AFAP1: variants seen among roughly 807,000 people sequenced by gnomAD.
The protein encoded by AFAP1 is actin filament-associated protein 1.
A neutral mutation model predicts 93.9 loss-of-function variants in AFAP1; 75 were observed. The ratio of observed to expected loss-of-function variants is 0.80; its 90% CI spans 0.66 to 0.97. AFAP1 has a LOEUF of 0.97. Among genes scored for constraint, AFAP1 ranks in the 50% least tolerant of loss-of-function variants. AFAP1 has a pLI of 0.00. For synonymous variants in AFAP1, 517 were observed against 430.7 expected (o/e 1.20, Z -2.48); for missense variants, 1,201 against 1,050.8 (o/e 1.14, Z -1.98).
At chr4:7,867,377 A>G (rs941125675) in intron 3 of AFAP1, among the ~76,000 whole-genome samples, 11 of 152,196 alleles carry the variant, frequency 7.2e-5, no homozygotes, top group African/African-American at 2.7e-4. Context: ...TCCCCAAATC[A>G]TATGAGGAGC....
intron 10 of AFAP1, among the ~76,000 whole-genome samples, chr4:7,794,410 A>G (rs989036743): frequency 6.6e-6 from 1 of 152,218 alleles, no homozygotes; most frequent in African/African-American, 2.4e-5. Flanking sequence ...GGGCTGCTTT[A>G]GGCACACCAT....
At chr4:7,894,861 C>T (rs573468290) in intron 1 of AFAP1, among the ~76,000 whole-genome samples, 28 of 152,226 alleles carry the variant, frequency 1.8e-4, no homozygotes, top group Non-Finnish European at 2.9e-5. Flanking sequence ...GCTCCAACCA[C>T]GAGGGGAAGG....
intron 4 of AFAP1, among the ~76,000 whole-genome samples, chr4:7,853,983 C>T (rs868736111): frequency 6.6e-6 from 1 of 152,216 alleles, no homozygotes; most frequent in Non-Finnish European, 1.5e-5. Flanking sequence ...CTACGTGCAG[C>T]TCCTCAGAAT....
intron 6 of AFAP1, 24 bp from the exon 7 acceptor site, chr4:7,819,195 T>C (rs779350794): frequency 3.8e-6 from 6 of 1,587,122 alleles, no homozygotes; most frequent in Admixed American, 1.8e-5. Context: ...AGACACTTTG[T>C]GAGTATGCCC....
chr4:7,778,404 G>A, intron 14 of AFAP1: 1 of 358,544 alleles, frequency 2.8e-6, no homozygotes, highest in Non-Finnish European at 5.2e-6. Context: ...TGAGTTTAGA[G>A]TCTGCAAGGC....
intron 1 of AFAP1, among the ~76,000 whole-genome samples, chr4:7,882,582 T>C (rs1219827188): frequency 6.6e-6 from 1 of 151,966 alleles, no homozygotes; most frequent in Non-Finnish European, 1.5e-5. Flanking sequence ...AAATGCAGGG[T>C]GGGTGCGGTG....
Position 7,761,300 on chromosome 4 carries a change from C to T in AFAP1, c.*2465G>A, listed in dbSNP as rs1413111695. 1.3e-5 allele frequency: 2 copies of T among 152,258 alleles called. No homozygotes were observed. Among genetic ancestry groups the T allele is most frequent in the African/African-American group, 4.8e-5 (2 of 41,466 alleles). The allele number at this position is 152,258 out of a possible 1,614,324, so 9.4% of individuals were successfully genotyped here. A position where few individuals can be genotyped will look rare whatever the true frequency, so the allele number is the denominator to read the frequency against. ...TCCAGGGCACCCATTTTGAAAGGCT[C>T]CATGGACCACGATGGGGTTTGTTAA... On this transcript the variant is annotated 3_prime_UTR_variant, in exon 18 of 18. Coordinates refer to ENST00000420658, the MANE Select transcript of AFAP1 (RefSeq NM_001134647.2).
At chr4:7,837,325 G>A (rs944421056) in intron 6 of AFAP1, among the ~76,000 whole-genome samples, 1 of 152,152 alleles carries the variant, frequency 6.6e-6, no homozygotes, top group Non-Finnish European at 1.5e-5. Flanking sequence ...GAACCTCTGG[G>A]AGGTGACTAG....
Position 7,918,359 on chromosome 4 carries a change from A to G in AFAP1, c.-3+21297T>C, listed in dbSNP as rs368596670. Among the ~76,000 whole-genome samples, 271 of 94,826 alleles carry G rather than the reference A, an allele frequency of 2.9e-3. 1 individual carries two copies. The highest frequency in any genetic ancestry group is 0.02 in the Middle Eastern group (2 of 102). 62.2% of individuals were successfully genotyped at this position (94,826 alleles called of 152,430 possible). ...AACAGGGCTGCCGGAAGAGACACTCAGCCCAGGTCACCAGGAAACAGGGCT... is the reference window on the plus strand; with the variant it reads ...AACAGGGCTGCCGGAAGAGACACTCGGCCCAGGTCACCAGGAAACAGGGCT... On this transcript the variant is annotated intron_variant, in intron 1 of 17. Transcript: ENST00000420658.
intron 3 of AFAP1, among the ~76,000 whole-genome samples, chr4:7,863,847 A>C (rs1300646559): frequency 1.3e-5 from 2 of 152,224 alleles, no homozygotes; most frequent in African/African-American, 4.8e-5. Context: ...AAAGAGGTAA[A>C]AATAAAGTGC....
intron 16 of AFAP1, among the ~76,000 whole-genome samples, chr4:7,771,617 C>A (rs1198091539): frequency 6.6e-6 from 1 of 152,200 alleles, no homozygotes; most frequent in African/African-American, 2.4e-5. Context: ...ACAGTCTATG[C>A]AGCGACCGTT....
chr4:7,905,217 CTCAAGCTGAAA>C (rs930126341), intron 1 of AFAP1, among the ~76,000 whole-genome samples: 5 of 152,210 alleles, frequency 3.3e-5, no homozygotes, highest in Admixed American at 2.6e-4. Flanking sequence ...TTGATTTCAG[CTCAAGCTGAAA>C]TCAAGCGTGC....
rs1297588427 is a variant in AFAP1, at chr4:7,762,151, C to A, written c.*1614G>T. 1 of 152,270 alleles carries A rather than the reference C, an allele frequency of 6.6e-6. No individual in the cohort carries two copies. The highest frequency in any genetic ancestry group is 2.4e-5 in the African/African-American group (1 of 41,472). 9.4% of individuals were successfully genotyped at this position (152,270 alleles called of 1,614,324 possible). ...TTTCCGCTTCAGTAATCCAACGTGG[C>A]CCTTGCAGGCCTCAAGCGCCACCAC... On this transcript the variant is annotated 3_prime_UTR_variant, in exon 18 of 18. Coordinates refer to ENST00000420658, the MANE Select transcript of AFAP1 (RefSeq NM_001134647.2).
At chr4:7,840,407 G>A (rs998587089) in intron 5 of AFAP1, among the ~76,000 whole-genome samples, 36 of 151,716 alleles carry the variant, frequency 2.4e-4, no homozygotes, top group Non-Finnish European at 4.6e-4. Flanking sequence ...TCCCCCTCCT[G>A]GGTTCAAGCG....
At chr4:7,865,874 G>GTTTGGTTCTGTGGTCTTGTTTTGT (rs1202459751) in intron 3 of AFAP1, among the ~76,000 whole-genome samples, 4 of 152,126 alleles carry the variant, frequency 2.6e-5, no homozygotes, top group Non-Finnish European at 4.4e-5. Flanking sequence ...TTTTGTTTTG[G>GTTTGGTTCTGTGGTCTTGTTTTGT]TTTGGTTCTG....
chr4:7,924,408 C>A (rs1192939309), intron 1 of AFAP1, among the ~76,000 whole-genome samples: 1 of 152,164 alleles, frequency 6.6e-6, no homozygotes, highest in South Asian at 2.1e-4. Flanking sequence ...TACTGGTGGA[C>A]GATGAGCCAG....
intron 1 of AFAP1, among the ~76,000 whole-genome samples, chr4:7,916,849 C>A (rs1252185102): frequency 6.6e-6 from 1 of 152,198 alleles, no homozygotes; most frequent in Non-Finnish European, 1.5e-5. Context: ...GCACTAGGGG[C>A]CCAGGGCCAG....
intron 6 of AFAP1, among the ~76,000 whole-genome samples, chr4:7,830,462 T>G (rs1721789921): frequency 6.6e-6 from 1 of 152,178 alleles, no homozygotes; most frequent in Non-Finnish European, 1.5e-5. Flanking sequence ...AAAGTGGCCA[T>G]CAGAAGCAGA....
At chr4:7,845,489 T>G (rs955482398) in intron 4 of AFAP1, among the ~76,000 whole-genome samples, 1 of 152,098 alleles carries the variant, frequency 6.6e-6, no homozygotes, top group African/African-American at 2.4e-5. Flanking sequence ...GAGGTAACTT[T>G]GGCAATGGCA....
Sources: gnomAD v4.1 joint callset for allele counts (sites outside exome capture counted in the v4.1 genomes callset) on GRCh38, gnomAD v4.1.1 for gene constraint, MANE v1.5 for transcripts, NCBI Gene and HGNC (gene_info 2026-07-23, HGNC 2026-07-21) for gene names.